Variants in SLC8A1 observed in about 807,000 individuals in gnomAD.
SLC8A1 encodes sodium/calcium exchanger 1.
Under a neutral mutation model 68.3 loss-of-function variants are expected in SLC8A1, and 18 were observed. The observed-to-expected ratio is 0.26, with a 90% CI of 0.18 to 0.39. SLC8A1 has a LOEUF of 0.39. Ranked by LOEUF, SLC8A1 falls within the 10% of genes least tolerant of loss-of-function variation. The pLI is 1.00. For synonymous variants in SLC8A1, 475 were observed against 415.5 expected (o/e 1.14, Z -1.74); for missense variants, 985 against 1,156.7 (o/e 0.85, Z 2.15).
chr2:40,355,890 C>T (rs1178194243), intron 2 of SLC8A1, among the ~76,000 whole-genome samples: 1 of 152,176 alleles, frequency 6.6e-6, no homozygotes, highest in Non-Finnish European at 1.5e-5. Context: ...GTTCTACAAA[C>T]CCCATTAAGT....
intron 2 of SLC8A1, among the ~76,000 whole-genome samples, chr2:40,306,109 C>T (rs1285337647): frequency 6.6e-6 from 1 of 152,288 alleles, no homozygotes; most frequent in Non-Finnish European, 1.5e-5. Context: ...TTTGACATCT[C>T]ACCATGCATA....
At chr2:40,465,389 G>GA (rs2149897534) in intron 1 of SLC8A1, among the ~76,000 whole-genome samples, 1 of 152,140 alleles carries the variant, frequency 6.6e-6, no homozygotes, top group East Asian at 1.9e-4. Flanking sequence ...GTATATTGAA[G>GA]AAAAAGTGTA....
chr2:40,372,493 T>C (rs139633842), intron 2 of SLC8A1, among the ~76,000 whole-genome samples: 30 of 152,292 alleles, frequency 2.0e-4, no homozygotes, highest in African/African-American at 4.8e-4. Flanking sequence ...AATACTACCA[T>C]GGCAAACATC....
chr2:40,336,710 A>C (rs918641209), intron 2 of SLC8A1, among the ~76,000 whole-genome samples: 1 of 152,186 alleles, frequency 6.6e-6, no homozygotes, highest in Admixed American at 6.5e-5. Context: ...ACCTCTGTGT[A>C]CTGCCAGCAT....
At chr2:40,152,110 G>C (rs941918398) in intron 6 of SLC8A1, among the ~76,000 whole-genome samples, 1 of 152,122 alleles carries the variant, frequency 6.6e-6, no homozygotes, top group Non-Finnish European at 1.5e-5. Flanking sequence ...TCTAAGGTAG[G>C]TATTGCATCT....
intron 1 of SLC8A1, among the ~76,000 whole-genome samples, chr2:40,483,861 G>T (rs143064638): frequency 0.018 from 2,678 of 152,220 alleles, 33 homozygotes; most frequent in Non-Finnish European, 0.025. Context: ...AAGAAATCCT[G>T]GTGATTATAA....
At chr2:40,306,784 C>T (rs563429200) in intron 2 of SLC8A1, among the ~76,000 whole-genome samples, 9 of 152,160 alleles carry the variant, frequency 5.9e-5, no homozygotes, top group Admixed American at 3.3e-4. Context: ...GGCTGGTTGG[C>T]CAGGTGAAGT....
At chr2:40,134,962 G>C (rs2040204164) in intron 7 of SLC8A1, among the ~76,000 whole-genome samples, 1 of 152,186 alleles carries the variant, frequency 6.6e-6, no homozygotes, top group African/African-American at 2.4e-5. Context: ...TTCACAGTTG[G>C]TGATTATGAA....
intron 2 of SLC8A1, among the ~76,000 whole-genome samples, chr2:40,213,838 A>G (rs1288469966): frequency 6.6e-6 from 1 of 152,222 alleles, no homozygotes; most frequent in Non-Finnish European, 1.5e-5. Flanking sequence ...GGGATAATTC[A>G]TCAAGCTTGC....
chr2:40,266,380 CA>C (rs1345606518), intron 2 of SLC8A1, among the ~76,000 whole-genome samples: 1 of 152,048 alleles, frequency 6.6e-6, no homozygotes, highest in Non-Finnish European at 1.5e-5. Flanking sequence ...GTTTAGGGCC[CA>C]CAATAATTTG....
chr2:40,235,351 T>C (rs1249937508), intron 2 of SLC8A1, among the ~76,000 whole-genome samples: 1 of 152,088 alleles, frequency 6.6e-6, no homozygotes, highest in Non-Finnish European at 1.5e-5. Context: ...TCGAGGAATT[T>C]ATCCATTTCT....
At position 40,168,737 on chromosome 2, in the gene SLC8A1, T is replaced by G. The variant is rs570500295; in HGVS notation, c.1931-3753A>C. On this transcript the variant is annotated intron_variant, in intron 4 of 7. Coordinates refer to ENST00000406785, the Ensembl canonical transcript of SLC8A1. ...TACTATGGTTGAGGTCAGTTTCATT[T>G]CTTTACTTCTGCAGAGTGAGATAAT... 3.3e-5 allele frequency among the ~76,000 whole-genome samples: 5 copies of G among 152,346 alleles called. No individual in the cohort carries two copies. The East Asian group carries it at 7.7e-4, about 24-fold the overall frequency.
At chr2:40,223,400 A>C (rs999799101) in intron 2 of SLC8A1, among the ~76,000 whole-genome samples, 1 of 152,116 alleles carries the variant, frequency 6.6e-6, no homozygotes, top group African/African-American at 2.4e-5. Context: ...TAGCAGTAGG[A>C]GGCATACCTA....
chr2:40,245,782 A>G (rs962170725), intron 2 of SLC8A1, among the ~76,000 whole-genome samples: 2 of 152,196 alleles, frequency 1.3e-5, no homozygotes, highest in African/African-American at 2.4e-5. Context: ...ATATCTCAAG[A>G]TAGACATCAT....
intron 1 of SLC8A1, among the ~76,000 whole-genome samples, chr2:40,492,028 A>G (rs1286593377): frequency 2.0e-5 from 3 of 152,160 alleles, no homozygotes; most frequent in Admixed American, 2.0e-4. Context: ...AAGAGCCCGC[A>G]TCGCCAAGTC....
At chr2:40,336,468 G>A (rs1401778131) in intron 2 of SLC8A1, among the ~76,000 whole-genome samples, 5 of 152,140 alleles carry the variant, frequency 3.3e-5, no homozygotes, top group Non-Finnish European at 7.4e-5. Context: ...ACTCCTGAGA[G>A]GCCTAAACTA....
chr2:40,327,880 C>A (rs2149362462), intron 2 of SLC8A1, among the ~76,000 whole-genome samples: 1 of 151,848 alleles, frequency 6.6e-6, no homozygotes, highest in East Asian at 1.9e-4. Context: ...CAAACCTGCA[C>A]ATGTACCCCA....
chr2:40,211,834 G>C (rs1430922980), intron 2 of SLC8A1, among the ~76,000 whole-genome samples: 1 of 152,130 alleles, frequency 6.6e-6, no homozygotes. Flanking sequence ...GATCACTTTA[G>C]AAATAAAGCA....
intron 1 of SLC8A1, among the ~76,000 whole-genome samples, chr2:40,508,543 T>G (rs1201015831): frequency 6.6e-6 from 1 of 152,086 alleles, no homozygotes; most frequent in Non-Finnish European, 1.5e-5. Flanking sequence ...ATATATATTT[T>G]ATAGCTTTCA....
Sources: gnomAD v4.1 joint callset for allele counts (sites outside exome capture counted in the v4.1 genomes callset) on GRCh38, gnomAD v4.1.1 for gene constraint, MANE v1.5 for transcripts, NCBI Gene and HGNC (gene_info 2026-07-23, HGNC 2026-07-21) for gene names.